Variants in GRIP1 observed in about 807,000 individuals in gnomAD.
GRIP1 encodes glutamate receptor interacting protein 1.
Under a neutral mutation model 129.9 loss-of-function variants are expected in GRIP1, and 45 were observed. That is an observed-to-expected ratio of 0.35 (90% confidence interval 0.27 to 0.44). The LOEUF is 0.44. Ranked by LOEUF, GRIP1 falls within the 20% of genes least tolerant of loss-of-function variation. GRIP1 has a pLI of 1.00. For missense variants in GRIP1, 1,196 were observed against 1,396.8 expected, an observed-to-expected ratio of 0.86 and a Z score of 2.29; for synonymous variants, 530 against 520.8, an observed-to-expected ratio of 1.02 and a Z score of -0.24.
chr12:66,859,300 CAAAAAAAA>C (rs1335338526), intron 1 of GRIP1, among the ~76,000 whole-genome samples: 987 of 13,684 alleles, frequency 0.072, 42 homozygotes, highest in African/African-American at 0.12. Flanking sequence ...AACAAAAAAA[CAAAAAAAA>C]ACCAGTATTA....
intron 22 of GRIP1, chr12:66,372,286 G>A: frequency 1.4e-5 from 5 of 357,280 alleles, no homozygotes; most frequent in South Asian, 1.3e-4. Context: ...TGGGATTCAT[G>A]AGGCCACCTT....
chr12:66,865,463 T>C (rs1231894639), intron 1 of GRIP1, among the ~76,000 whole-genome samples: 1 of 141,272 alleles, frequency 7.1e-6, no homozygotes, highest in Non-Finnish European at 1.6e-5. Context: ...CTAGCAGATC[T>C]TTGTGGTAGT....
At chr12:67,062,034 G>A (rs573615596) in intron 1 of GRIP1, among the ~76,000 whole-genome samples, 2 of 152,146 alleles carry the variant, frequency 1.3e-5, no homozygotes, top group East Asian at 1.9e-4. Context: ...GTAGCTGCAC[G>A]GCCTGAAACA....
intron 1 of GRIP1, among the ~76,000 whole-genome samples, chr12:67,025,737 T>C (rs754916327): frequency 1.2e-4 from 19 of 152,208 alleles, no homozygotes; most frequent in Non-Finnish European, 2.4e-4. Flanking sequence ...GGTCCTCAGC[T>C]AGGTTTACCC....
chr12:66,588,204 AT>A (rs1369903014), intron 2 of GRIP1, among the ~76,000 whole-genome samples: 1 of 151,882 alleles, frequency 6.6e-6, no homozygotes, highest in Non-Finnish European at 1.5e-5. Context: ...GCCAATTTTA[AT>A]TTTTTTCCTT....
chr12:67,020,824 G>T (rs977733473), intron 1 of GRIP1, among the ~76,000 whole-genome samples: 2 of 152,092 alleles, frequency 1.3e-5, no homozygotes, highest in African/African-American at 4.8e-5. Flanking sequence ...TCTGGGCCCA[G>T]TGCAGTAGCT....
At chr12:66,965,145 C>A (rs189139098) in intron 1 of GRIP1, among the ~76,000 whole-genome samples, 1 of 152,040 alleles carries the variant, frequency 6.6e-6, no homozygotes, top group Non-Finnish European at 1.5e-5. Flanking sequence ...ATAATCGATT[C>A]ATTACCAATC....
chr12:66,876,904 C>G (rs2040393065), intron 1 of GRIP1, among the ~76,000 whole-genome samples: 1 of 151,994 alleles, frequency 6.6e-6, no homozygotes, highest in Admixed American at 6.6e-5. Context: ...TAGATAAACT[C>G]TTTCTAAAAT....
At chr12:67,068,532 TCTC>T (rs2043671507) in intron 1 of GRIP1, among the ~76,000 whole-genome samples, 1 of 151,832 alleles carries the variant, frequency 6.6e-6, no homozygotes. Flanking sequence ...CGCTCTTCCT[TCTC>T]CTCTTCCTTC....
In GRIP1 at chr12:66,580,617, G is replaced by C. The variant is rs1188105304; in HGVS notation, c.136+16230C>G. Among the ~76,000 whole-genome samples the C allele has an allele frequency of 2.0e-5, 3 of 147,490 alleles. No individual in the cohort carries two copies. In the Admixed American group the frequency reaches 2.0e-4, roughly 10 times the overall value. Reference sequence around the variant, plus strand: ...GGCAGGGGTTGCAATCCTAGTCTCTGATAAAACAGACTTTAAACCAACAAA... The same window carrying C: ...GGCAGGGGTTGCAATCCTAGTCTCTCATAAAACAGACTTTAAACCAACAAA... On this transcript the variant is annotated intron_variant, in intron 2 of 24. Coordinates refer to ENST00000359742, the MANE Select transcript of GRIP1 (RefSeq NM_001366722.1).
chr12:67,066,843 T>C (rs1399836383), intron 1 of GRIP1, among the ~76,000 whole-genome samples: 2 of 148,034 alleles, frequency 1.4e-5, no homozygotes, highest in Non-Finnish European at 3.0e-5. Context: ...TGTCCTCTGA[T>C]ATATGCATTA....
At position 66,856,427 on chromosome 12, in the gene GRIP1, C is replaced by G. The variant is rs915055505; in HGVS notation, c.58+212623G>C. Among the ~76,000 whole-genome samples, 13 of 152,108 alleles carry G rather than the reference C, an allele frequency of 8.5e-5. No individual in the cohort carries two copies. In the South Asian group the frequency reaches 1.0e-3, roughly 12 times the overall value. Reference sequence around the variant, plus strand: ...CAGCAAAAGAAACTACCATCAGAGTCAACAGCCAACCTACAGAATGGGAGA... The same window carrying G: ...CAGCAAAAGAAACTACCATCAGAGTGAACAGCCAACCTACAGAATGGGAGA... On this transcript the variant is annotated intron_variant, in intron 1 of 1. Coordinates refer to the GRIP1 transcript ENST00000643019.
chr12:66,842,549 T>G (rs1046009873), intron 1 of GRIP1, among the ~76,000 whole-genome samples: 2 of 152,196 alleles, frequency 1.3e-5, no homozygotes, highest in Non-Finnish European at 2.9e-5. Flanking sequence ...ACACTATGAA[T>G]GCTCAATATT....
chr12:66,511,422 A>G (rs2060695483), intron 7 of GRIP1, among the ~76,000 whole-genome samples: 1 of 152,184 alleles, frequency 6.6e-6, no homozygotes. Flanking sequence ...GTGGGAATAT[A>G]ATATTTAACA....
At chr12:66,854,506 A>C (rs767914972) in intron 1 of GRIP1, among the ~76,000 whole-genome samples, 11 of 152,000 alleles carry the variant, frequency 7.2e-5, no homozygotes, top group Non-Finnish European at 1.3e-4. Flanking sequence ...CTGGAACTAG[A>C]ATTTAATAAG....
At chr12:66,469,532 CAA>C (rs1212911703) in intron 7 of GRIP1, among the ~76,000 whole-genome samples, 2 of 152,104 alleles carry the variant, frequency 1.3e-5, no homozygotes, top group African/African-American at 4.8e-5. Context: ...CTTCCACCTT[CAA>C]AGAGACATCA....
intron 1 of GRIP1, among the ~76,000 whole-genome samples, chr12:66,765,415 AG>A (rs2037604819): frequency 6.6e-6 from 1 of 152,232 alleles, no homozygotes; most frequent in African/African-American, 2.4e-5. Context: ...CCTCTTTAGA[AG>A]AAAAGATCTT....
chr12:66,446,862 C>T (rs2058644606), intron 11 of GRIP1, among the ~76,000 whole-genome samples: 1 of 152,178 alleles, frequency 6.6e-6, no homozygotes, highest in African/African-American at 2.4e-5. Context: ...AATAGATCTT[C>T]AAGATCTCAA....
At chr12:66,818,510 A>T (rs936656029) in intron 1 of GRIP1, among the ~76,000 whole-genome samples, 2 of 152,214 alleles carry the variant, frequency 1.3e-5, no homozygotes, top group Non-Finnish European at 2.9e-5. Flanking sequence ...TTCAATAAAA[A>T]TATTATTCCA....
Sources: allele counts gnomAD v4.1 joint callset (sites outside exome capture counted in the v4.1 genomes callset), GRCh38; gene constraint gnomAD v4.1.1; transcripts MANE v1.5; gene names NCBI Gene and HGNC (gene_info 2026-07-23, HGNC 2026-07-21).